Variants in TENM4 observed in about 807,000 individuals in gnomAD.
TENM4 encodes teneurin transmembrane protein 4.
In TENM4, 82 loss-of-function variants were observed where a neutral mutation model predicts 243.3. The observed-to-expected ratio is 0.34, with a 90% confidence interval of 0.28 to 0.40. The LOEUF (loss-of-function observed/expected upper bound fraction) is 0.40. TENM4 is among the 10% of genes least tolerant of loss of function. The pLI is 1.00. For synonymous variants in TENM4, 1,412 were observed against 1,456.3 expected (o/e 0.97, Z 0.69); for missense variants, 3,138 against 3,673.3 (o/e 0.85, Z 3.77).
intron 6 of TENM4, among the ~76,000 whole-genome samples, chr11:78,995,883 C>G (rs141199940): frequency 6.6e-6 from 1 of 152,192 alleles, no homozygotes; most frequent in African/African-American, 2.4e-5. Context: ...TCTTCACCTG[C>G]ACAATGGGGG....
At chr11:79,020,173 G>C (rs922375850) in intron 6 of TENM4, among the ~76,000 whole-genome samples, 2 of 152,208 alleles carry the variant, frequency 1.3e-5, no homozygotes, top group East Asian at 3.9e-4. Flanking sequence ...ATGTTAGTGT[G>C]TGTTACTGAT....
chr11:78,913,266 A>G (rs1458483176), intron 6 of TENM4, among the ~76,000 whole-genome samples: 3 of 152,096 alleles, frequency 2.0e-5, no homozygotes, highest in Non-Finnish European at 2.9e-5. Context: ...CACTTTTTAT[A>G]TGCCTTGTCC....
At chr11:79,153,229 C>T (rs897220404) in intron 3 of TENM4, among the ~76,000 whole-genome samples, 2 of 152,104 alleles carry the variant, frequency 1.3e-5, no homozygotes, top group African/African-American at 2.4e-5. Flanking sequence ...GAGTAACTAC[C>T]TCACAAGATT....
intron 27 of TENM4, among the ~76,000 whole-genome samples, chr11:78,707,395 T>TTTTGACCTATAATGGGTATATAGG (rs1162292333): frequency 2.0e-5 from 3 of 152,218 alleles, no homozygotes; most frequent in Non-Finnish European, 2.9e-5. Flanking sequence ...TTGTGTCTCT[T>TTTTGACCTATAATGGGTATATAGG]TTTGACCTAT....
chr11:79,059,577 G>A (rs1860035175), intron 6 of TENM4, among the ~76,000 whole-genome samples: 1 of 152,180 alleles, frequency 6.6e-6, no homozygotes, highest in Non-Finnish European at 1.5e-5. Flanking sequence ...TGCTGTTTTT[G>A]TAATTTTTTA....
At chr11:79,345,375 C>A (rs571617359) in intron 1 of TENM4, among the ~76,000 whole-genome samples, 8 of 152,340 alleles carry the variant, frequency 5.3e-5, no homozygotes, top group African/African-American at 1.7e-4. Flanking sequence ...TTCCCTCTCT[C>A]ATTTTTCCAT....
At chr11:78,865,333 C>T (rs184004955) in intron 9 of TENM4, among the ~76,000 whole-genome samples, 6 of 152,274 alleles carry the variant, frequency 3.9e-5, no homozygotes, top group African/African-American at 1.4e-4. Flanking sequence ...AGACTATAAT[C>T]CCAAACTCTT....
intron 4 of TENM4, among the ~76,000 whole-genome samples, chr11:79,135,668 A>ATATGATATATCATATATG (rs1452419727): frequency 3.2e-4 from 48 of 150,566 alleles, no homozygotes; most frequent in South Asian, 6.3e-4. Context: ...ACACACACAT[A>ATATGATATATCATATATG]TATGATATAT....
At chr11:79,212,713 AC>A (rs1314224567) in intron 3 of TENM4, among the ~76,000 whole-genome samples, 1 of 151,738 alleles carries the variant, frequency 6.6e-6, no homozygotes, top group Non-Finnish European at 1.5e-5. Flanking sequence ...TCCTCCTCCT[AC>A]CCTGGAAACA....
At chr11:78,995,880 C>T (rs553948298) in intron 6 of TENM4, among the ~76,000 whole-genome samples, 160 of 152,138 alleles carry the variant, frequency 1.1e-3, no homozygotes, top group Non-Finnish European at 1.4e-3. Context: ...GGTTCTTCAC[C>T]TGCACAATGG....
At chr11:79,364,440 C>T (rs1313661195) in intron 1 of TENM4, among the ~76,000 whole-genome samples, 1 of 152,170 alleles carries the variant, frequency 6.6e-6, no homozygotes, top group African/African-American at 2.4e-5. Context: ...CCAAAACCCC[C>T]AGATGTCTCC....
At chr11:79,103,490 T>G (rs1462746190) in intron 4 of TENM4, among the ~76,000 whole-genome samples, 5 of 152,088 alleles carry the variant, frequency 3.3e-5, no homozygotes, top group Non-Finnish European at 5.9e-5. Context: ...ATCATGGACT[T>G]CCACCAAGGC....
At chr11:78,871,740 G>A (rs1035809735) in intron 9 of TENM4, among the ~76,000 whole-genome samples, 1 of 152,142 alleles carries the variant, frequency 6.6e-6, no homozygotes, top group Non-Finnish European at 1.5e-5. Context: ...AAGGTAAGGG[G>A]AATGAACCCA....
intron 1 of TENM4, among the ~76,000 whole-genome samples, chr11:79,308,743 C>T (rs934160219): frequency 6.6e-5 from 10 of 152,172 alleles, no homozygotes; most frequent in African/African-American, 2.4e-4. Flanking sequence ...GCCTCCCAGG[C>T]CATGCCACCC....
intron 25 of TENM4, among the ~76,000 whole-genome samples, chr11:78,712,944 C>G (rs1048241264): frequency 7.9e-5 from 12 of 152,136 alleles, no homozygotes; most frequent in African/African-American, 2.7e-4. Flanking sequence ...TGCAAGAACC[C>G]CTTGCACTAT....
At chr11:78,983,086 C>T (rs1450961978) in intron 6 of TENM4, among the ~76,000 whole-genome samples, 1 of 152,344 alleles carries the variant, frequency 6.6e-6, no homozygotes, top group East Asian at 1.9e-4. Context: ...TTCTTGAAGG[C>T]TCAGTTCAAA....
chr11:79,127,849 A>G (rs1215078006), intron 4 of TENM4, among the ~76,000 whole-genome samples: 2 of 152,230 alleles, frequency 1.3e-5, no homozygotes, highest in Non-Finnish European at 2.9e-5. Flanking sequence ...GTCCAGTGGT[A>G]TGGGGCCTGT....
At chr11:79,083,003 C>A (rs1391870185) in intron 4 of TENM4, among the ~76,000 whole-genome samples, 1 of 152,206 alleles carries the variant, frequency 6.6e-6, no homozygotes, top group East Asian at 1.9e-4. Context: ...AAAGGCAGGG[C>A]CAGTCTCTCA....
intron 6 of TENM4, among the ~76,000 whole-genome samples, chr11:78,990,023 C>T (rs185991437): frequency 2.3e-4 from 35 of 150,818 alleles, no homozygotes; most frequent in Middle Eastern, 3.4e-3. Flanking sequence ...ATGATTGCAC[C>T]ACCATACTCC....
Sources: allele counts gnomAD v4.1 joint callset (sites outside exome capture counted in the v4.1 genomes callset), GRCh38; gene constraint gnomAD v4.1.1; transcripts MANE v1.5; gene names NCBI Gene and HGNC (gene_info 2026-07-23, HGNC 2026-07-21).